RASGRF2: variants seen among roughly 807,000 people sequenced by gnomAD.
RASGRF2 encodes the protein ras-specific guanine nucleotide-releasing factor 2.
A neutral mutation model predicts 151.0 loss-of-function variants in RASGRF2; 76 were observed. That is an observed-to-expected ratio of 0.50 (90% confidence interval 0.42 to 0.61). The LOEUF is 0.61. RASGRF2 is among the 20% of genes least tolerant of loss of function. The pLI, the probability that RASGRF2 is intolerant of heterozygous loss-of-function variation, is 0.00. For synonymous variants in RASGRF2, 504 were observed against 566.5 expected (o/e 0.89, Z 1.57); for missense variants, 1,148 against 1,564.6 (o/e 0.73, Z 4.49).
chr5:81,158,541 A>C (rs568308500), intron 17 of RASGRF2, among the ~76,000 whole-genome samples: 1 of 152,268 alleles, frequency 6.6e-6, no homozygotes, highest in South Asian at 2.1e-4. Flanking sequence ...ATAGGAGAAA[A>C]TATTTGCAAA....
At chr5:81,023,030 T>A (rs1175542423) in intron 1 of RASGRF2, among the ~76,000 whole-genome samples, 1 of 140,332 alleles carries the variant, frequency 7.1e-6, no homozygotes, top group Non-Finnish European at 1.5e-5. Flanking sequence ...TGAGTCCAGA[T>A]GCACTTTTCT....
At chr5:80,990,150 C>T (rs1319280299) in intron 1 of RASGRF2, among the ~76,000 whole-genome samples, 1 of 151,796 alleles carries the variant, frequency 6.6e-6, no homozygotes, top group Non-Finnish European at 1.5e-5. Context: ...ACACAGGTGC[C>T]TTCTATTTGC....
intron 17 of RASGRF2, among the ~76,000 whole-genome samples, chr5:81,130,594 A>C (rs567947420): frequency 1.3e-5 from 2 of 152,266 alleles, no homozygotes; most frequent in African/African-American, 4.8e-5. Flanking sequence ...TTGGCTAGCC[A>C]GGGAGAGCAT....
chr5:81,228,357 G>A lies in RASGRF2; in HGVS notation c.*2587G>A, dbSNP rs142849044. The A allele has an allele frequency of 6.6e-6, 1 of 152,300 alleles. No homozygotes were observed. The highest frequency in any genetic ancestry group is 1.9e-4 in the East Asian group (1 of 5,180). 9.4% of individuals were successfully genotyped at this position (152,300 alleles called of 1,614,324 possible). A position where few individuals can be genotyped will look rare whatever the true frequency, so the allele number is the denominator to read the frequency against. The stretch of plus-strand genomic sequence containing the variant: ...CACTATTCGTGTGCCAGCTGGGAGA[G>A]GAATGCACATTTTAAAATCCCTTCA... On this transcript the variant is annotated 3_prime_UTR_variant, in exon 27 of 27. Coordinates refer to ENST00000265080, the MANE Select transcript of RASGRF2 (RefSeq NM_006909.3).
intron 4 of RASGRF2, among the ~76,000 whole-genome samples, chr5:81,072,119 T>G (rs1201660475): frequency 2.6e-5 from 4 of 152,224 alleles, no homozygotes; most frequent in African/African-American, 9.6e-5. Flanking sequence ...TAACAATGAA[T>G]GAATCGTTTC....
chr5:81,127,779 C>G (rs1048380475), intron 17 of RASGRF2, among the ~76,000 whole-genome samples: 3 of 151,730 alleles, frequency 2.0e-5, no homozygotes, highest in Non-Finnish European at 1.5e-5. Context: ...TAAAAATTAG[C>G]TGGGCATGGT....
rs1224006171 is a variant in RASGRF2, at chr5:81,229,474, CTTAAAA to C, written c.*3709_*3714del. 1.3e-5 allele frequency: 2 copies of C among 152,278 alleles called. No homozygotes were observed. Among genetic ancestry groups the C allele is most frequent in the Middle Eastern group, 3.4e-3 (1 of 294 alleles). The allele number at this position is 152,278 out of a possible 1,614,324, so 9.4% of individuals were successfully genotyped here. A position where few individuals can be genotyped will look rare whatever the true frequency, so the allele number is the denominator to read the frequency against. On this transcript the variant is annotated 3_prime_UTR_variant, in exon 27 of 27. Coordinates refer to ENST00000265080, the MANE Select transcript of RASGRF2 (RefSeq NM_006909.3). ...GTCATTTCTCAGCGGCCATTGGTGA[CTTAAAA>C]TTAAGATGAGGCAGAGCCAAAATGG... is the stretch of plus-strand genomic sequence containing the variant.
intron 1 of RASGRF2, among the ~76,000 whole-genome samples, chr5:81,001,443 G>C (rs1749077658): frequency 6.6e-6 from 1 of 152,096 alleles, no homozygotes; most frequent in Non-Finnish European, 1.5e-5. Flanking sequence ...CTGCATTCTT[G>C]GTGTGCTTTA....
chr5:80,983,242 A>T (rs1259759246), intron 1 of RASGRF2, among the ~76,000 whole-genome samples: 1 of 152,182 alleles, frequency 6.6e-6, no homozygotes, highest in Non-Finnish European at 1.5e-5. Context: ...CATCTGCTCA[A>T]GTCAATACCA....
In RASGRF2 at chr5:81,101,476, C is replaced by T. The variant is rs530579126; in HGVS notation, c.1755+6484C>T. On this transcript the variant is annotated intron_variant, in intron 12 of 26. Transcript: ENST00000265080. ...TTGGTAGACCTAGAGACTCCAGGAGCCATTTTTTTTTTTCACACTCCTGTT... is the reference window on the plus strand; with the variant it reads ...TTGGTAGACCTAGAGACTCCAGGAGTCATTTTTTTTTTTCACACTCCTGTT... Among the ~76,000 whole-genome samples, 32 of 148,968 alleles carry T rather than the reference C, an allele frequency of 2.1e-4. 1 individual carries two copies. Among genetic ancestry groups the T allele is most frequent in the African/African-American group, 7.8e-4 (31 of 39,614 alleles).
intron 15 of RASGRF2, among the ~76,000 whole-genome samples, chr5:81,121,926 T>C (rs2112562971): frequency 6.6e-6 from 1 of 152,332 alleles, no homozygotes; most frequent in South Asian, 2.1e-4. Flanking sequence ...CTAGTGTCTG[T>C]TTCTGTGTTC....
chr5:81,015,899 G>C (rs1354525109), intron 1 of RASGRF2, among the ~76,000 whole-genome samples: 1 of 152,132 alleles, frequency 6.6e-6, no homozygotes, highest in Non-Finnish European at 1.5e-5. Flanking sequence ...CAATGCTTCC[G>C]ATTAAAATTA....
chr5:81,121,515 C>T (rs1753306923), intron 15 of RASGRF2, among the ~76,000 whole-genome samples: 1 of 152,090 alleles, frequency 6.6e-6, no homozygotes, highest in African/African-American at 2.4e-5. Context: ...GGCAGGAGAA[C>T]GTCAAACAAT....
At chr5:81,208,489 T>C (rs1755559971) in intron 22 of RASGRF2, 51 bp downstream of exon 22, 2 of 1,417,916 alleles carry the variant, frequency 1.4e-6, no homozygotes, top group Admixed American at 1.7e-5. Context: ...AAGATGGATA[T>C]TGGGGTCTAA....
intron 2 of RASGRF2, among the ~76,000 whole-genome samples, chr5:81,046,804 GA>G (rs1415078670): frequency 1.3e-5 from 2 of 152,140 alleles, no homozygotes; most frequent in African/African-American, 4.8e-5. Flanking sequence ...TAGCTGAAAA[GA>G]CAACTCTTCA....
At chr5:81,204,612 C>T (rs1755465731) in intron 19 of RASGRF2, among the ~76,000 whole-genome samples, 1 of 152,192 alleles carries the variant, frequency 6.6e-6, no homozygotes, top group Non-Finnish European at 1.5e-5. Flanking sequence ...AAAATACCAT[C>T]TCTCCTCCTC....
intron 8 of RASGRF2, among the ~76,000 whole-genome samples, chr5:81,086,361 T>C (rs1183925083): frequency 1.3e-5 from 2 of 152,118 alleles, no homozygotes; most frequent in Non-Finnish European, 2.9e-5. Flanking sequence ...AAAAAGACTC[T>C]CAGTTGCATT....
At chr5:80,986,663 C>T (rs138658996) in intron 1 of RASGRF2, among the ~76,000 whole-genome samples, 3 of 152,202 alleles carry the variant, frequency 2.0e-5, no homozygotes, top group Admixed American at 6.5e-5. Context: ...GTTTAAGCTA[C>T]GTGTTGCAAG....
At chr5:81,002,528 A>G (rs887370065) in intron 1 of RASGRF2, among the ~76,000 whole-genome samples, 3 of 152,176 alleles carry the variant, frequency 2.0e-5, no homozygotes, top group Non-Finnish European at 2.9e-5. Context: ...AAAACATGAT[A>G]TTATCATTGT....
Sources: gnomAD v4.1 joint callset for allele counts (sites outside exome capture counted in the v4.1 genomes callset) on GRCh38, gnomAD v4.1.1 for gene constraint, MANE v1.5 for transcripts, NCBI Gene and HGNC (gene_info 2026-07-23, HGNC 2026-07-21) for gene names.